The following CEP164 variants were observed in gnomAD, a reference collection of about 807,000 sequenced individuals.
CEP164 encodes centrosomal protein of 164 kDa.
In CEP164, 162 loss-of-function variants were observed where a neutral mutation model predicts 182.7. The ratio of observed to expected loss-of-function variants is 0.89; its 90% CI spans 0.78 to 1.01. The LOEUF (loss-of-function observed/expected upper bound fraction) is 1.01, where lower values mean the gene tolerates loss of function less well. Ranked by LOEUF, CEP164 falls within the 50% of genes least tolerant of loss-of-function variation. The pLI is 0.00. For synonymous variants in CEP164, 661 were observed against 690.0 expected, an observed-to-expected ratio of 0.96 and a Z score of 0.66; for missense variants, 1,735 against 1,790.4, an observed-to-expected ratio of 0.97 and a Z score of 0.56.
chr11:117,391,726 C>G (rs1019173857), intron 17 of CEP164, among the ~76,000 whole-genome samples: 2 of 152,216 alleles, frequency 1.3e-5, no homozygotes, highest in African/African-American at 2.4e-5. Flanking sequence ...ACTCCCTCTT[C>G]TACTCCAGTC....
At chr11:117,392,896 G>A in intron 19 of CEP164, 108 bp from the exon 20 acceptor site, 1 of 1,518,170 alleles carries the variant, frequency 6.6e-7, no homozygotes, top group Admixed American at 1.7e-5. Flanking sequence ...TGTGTTGTGT[G>A]TGTTGGGGGA....
At position 117,380,603 on chromosome 11, in the gene CEP164, C is replaced by G; in HGVS notation, c.1318-11C>G. The G allele has an allele frequency of 6.3e-7, 1 of 1,585,266 alleles. No individual in the cohort carries two copies. The highest frequency in any genetic ancestry group is 8.6e-7 in the Non-Finnish European group (1 of 1,164,822). ...CTCCAACACAAACTTTTTATTGCTT[C>G]TCTCCTACAGGCCCAGCAACCACTG... is the stretch of plus-strand genomic sequence containing the variant. On this transcript the variant is annotated splice_polypyrimidine_tract_variant and intron_variant, in intron 11 of 32. Coordinates refer to ENST00000278935, the MANE Select transcript of CEP164 (RefSeq NM_014956.5).
At chr11:117,331,437 G>A (rs2036191499) in intron 1 of CEP164, among the ~76,000 whole-genome samples, 1 of 152,208 alleles carries the variant, frequency 6.6e-6, no homozygotes, top group African/African-American at 2.4e-5. Context: ...TAACTTTTCT[G>A]TATACAGGGA....
At chr11:117,399,178 C>T (rs2045867555) in intron 27 of CEP164, among the ~76,000 whole-genome samples, 1 of 152,092 alleles carries the variant, frequency 6.6e-6, no homozygotes, top group African/African-American at 2.4e-5. Flanking sequence ...GTTTCCTTCC[C>T]TGTTTCCATG....
At chr11:117,351,380 C>T (rs2039602679) in intron 4 of CEP164, among the ~76,000 whole-genome samples, 2 of 152,274 alleles carry the variant, frequency 1.3e-5, no homozygotes, top group Non-Finnish European at 2.9e-5. Flanking sequence ...ATTATTCTTC[C>T]TTAGACTGTT....
intron 5 of CEP164, chr11:117,355,960 T>C: frequency 9.0e-7 from 1 of 1,104,976 alleles, no homozygotes; most frequent in Non-Finnish European, 1.1e-6. Context: ...AGCTCCCTTA[T>C]AAAGATCAGA....
At chr11:117,329,172 C>G (rs2035800770) in intron 1 of CEP164, among the ~76,000 whole-genome samples, 2 of 151,318 alleles carry the variant, frequency 1.3e-5, no homozygotes, top group South Asian at 2.1e-4. Context: ...CCCTAGTACA[C>G]TGCAGCCTCG....
chr11:117,387,007 C>T (rs1350555909), intron 14 of CEP164, 196 bp from the exon 15 acceptor site: 2 of 590,662 alleles, frequency 3.4e-6, no homozygotes, highest in African/African-American at 3.7e-5. Context: ...GGGCCTTAAA[C>T]AGCCACAATG....
chr11:117,362,363 C>A, intron 6 of CEP164, 41 bp from the exon 7 acceptor site: 1 of 1,594,798 alleles, frequency 6.3e-7, no homozygotes, highest in Non-Finnish European at 8.6e-7. Context: ...TTCCAAAGGT[C>A]TTCCAAGTGA....
intron 27 of CEP164, among the ~76,000 whole-genome samples, chr11:117,403,344 G>T (rs983581526): frequency 2.6e-5 from 4 of 152,188 alleles, no homozygotes; most frequent in African/African-American, 9.7e-5. Flanking sequence ...TCCTTCAGGA[G>T]CTCTTGTAAG....
intron 27 of CEP164, among the ~76,000 whole-genome samples, chr11:117,401,142 T>C (rs1031213372): frequency 1.3e-5 from 2 of 152,204 alleles, no homozygotes; most frequent in African/African-American, 2.4e-5. Flanking sequence ...ATAGCTCTTA[T>C]TATTTTGAGA....
chr11:117,322,986 G>A (rs536369675), upstream of CEP164, among the ~76,000 whole-genome samples: 283 of 151,914 alleles, frequency 1.9e-3, no homozygotes, highest in Non-Finnish European at 2.7e-3. Flanking sequence ...GGCTGGTCTC[G>A]AACTCCTGAG....
At chr11:117,332,878 A>G (rs1217528399) in intron 1 of CEP164, among the ~76,000 whole-genome samples, 3 of 152,228 alleles carry the variant, frequency 2.0e-5, no homozygotes, top group Non-Finnish European at 2.9e-5. Context: ...TACGTAGTGA[A>G]CAATGTTGAG....
At chr11:117,371,524 GC>G (rs771417207) in intron 9 of CEP164, 58 bp downstream of exon 9, 1,006 of 1,530,926 alleles carry the variant, frequency 6.6e-4, no homozygotes, top group Non-Finnish European at 8.1e-4. Flanking sequence ...GCTCTGTTCA[GC>G]CCTGGGCAGG....
chr11:117,395,972 G>A lies in CEP164; in HGVS notation c.3090-82G>A, dbSNP rs2045388678. The stretch of plus-strand genomic sequence containing the variant: ...GACTTTGACGGATGGGAGTGAGGGG[G>A]TGGAGATGGTTCTGACCCACTTCAC... On this transcript the variant is annotated intron_variant, in intron 24 of 32. Coordinates refer to ENST00000278935, the MANE Select transcript of CEP164 (RefSeq NM_014956.5). 1.9e-6 allele frequency: 3 copies of A among 1,570,780 alleles called. No homozygotes were observed. The Admixed American group carries it at 5.1e-5, about 27-fold the overall frequency.
intron 1 of CEP164, among the ~76,000 whole-genome samples, chr11:117,328,708 G>A (rs947213934): frequency 2.0e-5 from 3 of 152,032 alleles, no homozygotes; most frequent in Non-Finnish European, 4.4e-5. Flanking sequence ...CTCAATGAAG[G>A]GCTTCACCAT....
At chr11:117,404,110 T>C (rs1361293128) in intron 27 of CEP164, among the ~76,000 whole-genome samples, 2 of 152,194 alleles carry the variant, frequency 1.3e-5, no homozygotes, top group Non-Finnish European at 2.9e-5. Context: ...GCACCTTTAG[T>C]TCAGAGGAGT....
chr11:117,353,627 T>C (rs913492003), intron 5 of CEP164, among the ~76,000 whole-genome samples: 1 of 152,056 alleles, frequency 6.6e-6, no homozygotes, highest in African/African-American at 2.4e-5. Flanking sequence ...ATGAAGAAAA[T>C]GGGACAGCCC....
In CEP164 at chr11:117,361,896, G is replaced by A. The variant is rs1439092572; in HGVS notation, c.455G>A (p.Gly152Asp). ...VPLGGLAPLR[G>D]LVDTPPSALR... is the part of the protein sequence containing the mutation. ...CTTGGGGGCCTGGCTCCTTTACGAG[G>A]TCTTGTGGATACCCCACCCTCTGCT... The change falls in exon 6 of 33, where the codon GGT becomes GAT. Residue 152 changes from glycine (G) to aspartate (D), a missense_variant. Coordinates refer to ENST00000278935, the MANE Select transcript of CEP164 (RefSeq NM_014956.5). The A allele has an allele frequency of 1.2e-6, 2 of 1,613,986 alleles. No homozygotes were observed. Among genetic ancestry groups the A allele is most frequent in the Non-Finnish European group, 1.7e-6 (2 of 1,180,022 alleles).
Sources: allele counts gnomAD v4.1 joint callset (sites outside exome capture counted in the v4.1 genomes callset), GRCh38; gene constraint gnomAD v4.1.1; transcripts MANE v1.5; gene names NCBI Gene and HGNC (gene_info 2026-07-23, HGNC 2026-07-21).